Variants in SAXO1 observed in about 807,000 individuals in gnomAD.
SAXO1 encodes stabilizer of axonemal microtubules 1.
SAXO1 carries 21 observed loss-of-function variants against 17.5 expected under a neutral mutation model. That is an observed-to-expected ratio of 1.20 (90% CI 0.85 to 1.72). The LOEUF (loss-of-function observed/expected upper bound fraction) is 1.72, where lower values mean the gene tolerates loss of function less well. Among genes scored for constraint, SAXO1 ranks in the 40% most tolerant of loss-of-function variants. The pLI is 0.00. For synonymous variants in SAXO1, 274 were observed against 216.5 expected (o/e 1.27, Z -2.33); for missense variants, 843 against 596.0 (o/e 1.41, Z -4.32).
intron 2 of SAXO1, among the ~76,000 whole-genome samples, chr9:18,947,437 C>G (rs772556378): frequency 2.0e-5 from 3 of 152,158 alleles, no homozygotes; most frequent in African/African-American, 7.2e-5. Context: ...TTCAGCCACA[C>G]CCATCAAGTC....
intron 1 of SAXO1, among the ~76,000 whole-genome samples, chr9:18,955,605 C>T (rs1054652236): frequency 1.3e-5 from 2 of 152,200 alleles, no homozygotes; most frequent in African/African-American, 4.8e-5. Context: ...TTTCTCTGAC[C>T]TGTCTTCATA....
intron 1 of SAXO1, among the ~76,000 whole-genome samples, chr9:18,975,850 G>A (rs1288971303): frequency 6.6e-6 from 1 of 151,620 alleles, no homozygotes; most frequent in Non-Finnish European, 1.5e-5. Flanking sequence ...CGAAAAGTGA[G>A]ACCCAAAAGA....
intron 2 of SAXO1, 42 bp from the exon 3 acceptor site, chr9:18,941,881 C>A (rs113554452): frequency 1.3e-6 from 2 of 1,583,826 alleles, no homozygotes; most frequent in South Asian, 1.1e-5. Context: ...CCTTGGCTTG[C>A]GATAAGGCTT....
chr9:18,957,902 T>C (rs1180772225), intron 1 of SAXO1, among the ~76,000 whole-genome samples: 3 of 152,202 alleles, frequency 2.0e-5, no homozygotes, highest in African/African-American at 4.8e-5. Context: ...ACTAAAAGTT[T>C]TTCTATTTAA....
intron 1 of SAXO1, among the ~76,000 whole-genome samples, chr9:18,984,856 A>G (rs1158522778): frequency 6.6e-6 from 1 of 152,188 alleles, no homozygotes; most frequent in Non-Finnish European, 1.5e-5. Context: ...TTGGCATAAG[A>G]GGCCTAGCTT....
intron 1 of SAXO1, among the ~76,000 whole-genome samples, chr9:18,990,874 T>C (rs928388581): frequency 1.3e-5 from 2 of 152,208 alleles, no homozygotes; most frequent in Non-Finnish European, 2.9e-5. Context: ...GACCACCTTG[T>C]TGCAAGAAAA....
In SAXO1 at chr9:18,960,127, G is replaced by A. The variant is rs557763160; in HGVS notation, c.39-9190C>T. Among the ~76,000 whole-genome samples the A allele has an allele frequency of 4.1e-4, 63 of 152,272 alleles. 1 individual carries two copies. In the South Asian group the frequency reaches 0.013, roughly 31 times the overall value. ...GGCTCTTCCGGCCCCTCCCCCCTTG[G>A]CAATGAAAAGGAAAAAGAGTTTCTT... On this transcript the variant is annotated intron_variant, in intron 1 of 3. Transcript: ENST00000380534.
In SAXO1 at chr9:18,928,135, G is replaced by T. The variant is rs755179335; in HGVS notation, c.1342C>A (p.Gln448Lys). 6 of 1,614,068 alleles carry T rather than the reference G, an allele frequency of 3.7e-6. No homozygotes were observed. Among genetic ancestry groups the T allele is most frequent in the Non-Finnish European group, 5.1e-6 (6 of 1,180,036 alleles). The change falls in exon 4 of 4, where the codon CAG becomes AAG. Residue 448 changes from glutamine (Q) to lysine (K), a missense_variant. Transcript: ENST00000380534. ...TGGCTGCTCTGCTGAGAGCCTGCCT[G>T]GGAAACTGGTTTGTATATCCTGTGA... ...LGHRIYKPVS[Q>K]AGSQQSSHLS... is the part of the protein sequence containing the mutation.
Position 18,999,558 on chromosome 9 carries a change from C to G in SAXO1, c.38+33313G>C, listed in dbSNP as rs190957112. ...ACACCGTCTGGGAAGTGAGGAGCGCCGCTGCCTGGCCGCCACACCATCTGG... is the reference window on the plus strand; with the variant it reads ...ACACCGTCTGGGAAGTGAGGAGCGCGGCTGCCTGGCCGCCACACCATCTGG... On this transcript the variant is annotated intron_variant, in intron 1 of 3. Coordinates refer to ENST00000380534, the MANE Select transcript of SAXO1 (RefSeq NM_153707.4). 5.5e-3 allele frequency among the ~76,000 whole-genome samples: 818 copies of G among 150,000 alleles called. 28 individuals are homozygous for G. Among genetic ancestry groups the G allele is most frequent in the African/African-American group, 0.019 (781 of 40,434 alleles).
chr9:19,024,044 C>T (rs66801939), intron 1 of SAXO1, among the ~76,000 whole-genome samples: 54,330 of 82,896 alleles, frequency 0.66, 14,937 homozygotes, highest in Non-Finnish European at 0.69. Flanking sequence ...TTTTTTTTTG[C>T]GGGGGAAAAG....
At chr9:18,935,880 A>G (rs546116806) in intron 3 of SAXO1, among the ~76,000 whole-genome samples, 1 of 152,322 alleles carries the variant, frequency 6.6e-6, no homozygotes, top group African/African-American at 2.4e-5. Context: ...TTGTTTCCAC[A>G]GCCTAGCCTG....
In SAXO1 at chr9:18,928,353, C is replaced by G; in HGVS notation, c.1124G>C (p.Arg375Pro). 1 of 1,611,766 alleles carries G rather than the reference C, an allele frequency of 6.2e-7. No individual in the cohort carries two copies. The highest frequency in any genetic ancestry group is 8.5e-7 in the Non-Finnish European group (1 of 1,179,272). Residue 375 changes from arginine (R) to proline (P), a missense_variant, in exon 4 of 4, where the codon CGG (arginine) becomes CCG (proline). Transcript: ENST00000380534. ...TEPLDCLTTT[R>P]AHYVPHLPIN... ...AGGCAGGTGGGGCACATAGTGGGCC[C>G]GAGTGGTGGTCAGGCAGTCCAGGGG...
intron 1 of SAXO1, among the ~76,000 whole-genome samples, chr9:19,022,751 A>T (rs879483148): frequency 1.4e-4 from 21 of 152,194 alleles, no homozygotes; most frequent in Non-Finnish European, 3.1e-4. Context: ...TTAAAATATA[A>T]GGATATATTT....
At chr9:18,993,564 G>A (rs1420293465) in intron 1 of SAXO1, among the ~76,000 whole-genome samples, 3 of 152,190 alleles carry the variant, frequency 2.0e-5, no homozygotes, top group Admixed American at 6.5e-5. Context: ...AGACTGTACA[G>A]GAGAGGTACA....
chr9:19,008,820 C>T (rs942384195), intron 1 of SAXO1, among the ~76,000 whole-genome samples: 4 of 152,170 alleles, frequency 2.6e-5, no homozygotes, highest in African/African-American at 7.2e-5. Context: ...TTTCCAAGGG[C>T]AGGTCCAGGA....
At chr9:18,981,656 G>T (rs907980482) in intron 1 of SAXO1, among the ~76,000 whole-genome samples, 3 of 152,164 alleles carry the variant, frequency 2.0e-5, no homozygotes, top group African/African-American at 7.2e-5. Context: ...ACAAATGGGG[G>T]TGATAACTCC....
intron 1 of SAXO1, chr9:19,027,657 C>A: frequency 7.2e-7 from 1 of 1,383,882 alleles, no homozygotes; most frequent in Non-Finnish European, 1.0e-6. Flanking sequence ...TTCGCCCTGG[C>A]CAAGGAGAAA....
intron 2 of SAXO1, among the ~76,000 whole-genome samples, chr9:18,943,625 C>T (rs892966079): frequency 2.0e-5 from 3 of 152,198 alleles, no homozygotes; most frequent in African/African-American, 7.2e-5. Flanking sequence ...TTGAGCTCTC[C>T]TCACTCTCAG....
chr9:19,022,873 G>T (rs1835306859), intron 1 of SAXO1, among the ~76,000 whole-genome samples: 1 of 152,150 alleles, frequency 6.6e-6, no homozygotes, highest in Non-Finnish European at 1.5e-5. Context: ...CAATAAAACA[G>T]AATAGTAGGG....
Sources: allele counts gnomAD v4.1 joint callset (sites outside exome capture counted in the v4.1 genomes callset), GRCh38; gene constraint gnomAD v4.1.1; transcripts MANE v1.5; gene names NCBI Gene and HGNC (gene_info 2026-07-23, HGNC 2026-07-21).